Variants in CHEK2 observed in about 807,000 individuals in gnomAD.
The protein encoded by CHEK2 is serine/threonine-protein kinase Chk2.
A neutral mutation model predicts 69.1 loss-of-function variants in CHEK2; 71 were observed. That is an observed-to-expected ratio of 1.03 (90% CI 0.85 to 1.25). The LOEUF is 1.25. Among genes scored for constraint, CHEK2 ranks in the 50% most tolerant of loss-of-function variants. The pLI, the probability that CHEK2 is intolerant of heterozygous loss-of-function variation, is 0.00. For synonymous variants in CHEK2, 189 were observed against 226.9 expected, an observed-to-expected ratio of 0.83 and a Z score of 1.50; for missense variants, 664 against 649.6, an observed-to-expected ratio of 1.02 and a Z score of -0.24.
chr22:28,730,062 C>T (rs2054149779), intron 2 of CHEK2, among the ~76,000 whole-genome samples: 3 of 150,482 alleles, frequency 2.0e-5, no homozygotes, highest in Admixed American at 1.3e-4. Context: ...CCAGGATGGT[C>T]TCGATCTCCT....
Position 28,703,611 on chromosome 22 carries a change from A to G in CHEK2, c.847-45T>C, listed in dbSNP as rs770873098. On this transcript the variant is annotated intron_variant, in intron 7 of 14. Transcript: ENST00000404276. ...AAAGGGAAAGTAGTGAGAAACTCCCAAGAGGAAAACCACAAGAGCTTAGAA... is the reference window on the plus strand; with the variant it reads ...AAAGGGAAAGTAGTGAGAAACTCCCGAGAGGAAAACCACAAGAGCTTAGAA... 8.1e-6 allele frequency: 10 copies of G among 1,241,618 alleles called. No homozygotes were observed. In the Admixed American group the frequency reaches 1.7e-4, roughly 21 times the overall value. 76.9% of individuals were successfully genotyped at this position (1,241,618 alleles called of 1,614,324 possible).
chr22:28,737,314 G>A (rs1220869107), intron 1 of CHEK2: 4 of 478,266 alleles, frequency 8.4e-6, no homozygotes, highest in Non-Finnish European at 1.7e-5. Context: ...ATTAAATTGA[G>A]ATCTTTCACC....
At chr22:28,721,317 G>A (rs1364983500) in intron 4 of CHEK2, among the ~76,000 whole-genome samples, 1 of 119,256 alleles carries the variant, frequency 8.4e-6, no homozygotes, top group Admixed American at 1.2e-4. Context: ...ACGAAGTCTC[G>A]CTCTTGTACC....
chr22:28,731,420 G>T (rs1052129914), intron 2 of CHEK2, among the ~76,000 whole-genome samples: 1 of 152,010 alleles, frequency 6.6e-6, no homozygotes, highest in Non-Finnish European at 1.5e-5. Context: ...CCAATATGAT[G>T]ACAACCCGTC....
intron 1 of CHEK2, 45 bp from the exon 2 acceptor site, chr22:28,734,772 A>C (rs1380214962): frequency 6.5e-7 from 1 of 1,540,848 alleles, no homozygotes; most frequent in South Asian, 1.1e-5. Flanking sequence ...TTCAAGGCAC[A>C]AGACTTAAAA....
rs374395284 is a variant in CHEK2 at position 28,699,884 on chromosome 22, T to G, written c.962A>C (p.Glu321Ala). The change falls in exon 9 of 15, where the codon GAA becomes GCA. Residue 321 changes from glutamate to alanine, a missense_variant. Coordinates refer to ENST00000404276, the MANE Select transcript of CHEK2 (RefSeq NM_007194.4). ...GTAAAAATAGAGCTTGCAGGTAGCT[T>G]CTTTCAGGCGTTTATTCCCCACCAC... ...DKVVGNKRLK[E>A]ATCKLYFYQM... 8.1e-6 allele frequency: 13 copies of G among 1,613,966 alleles called. No individual in the cohort carries two copies. The Admixed American group carries it at 1.7e-4, about 21-fold the overall frequency.
intron 1 of CHEK2, among the ~76,000 whole-genome samples, chr22:28,735,157 C>T (rs941939403): frequency 2.6e-5 from 4 of 152,020 alleles, no homozygotes; most frequent in African/African-American, 9.7e-5. Flanking sequence ...CCTGTAGTCC[C>T]GCACTTTGGG....
chr22:28,730,852 G>A (rs2054193901), intron 2 of CHEK2, among the ~76,000 whole-genome samples: 3 of 151,906 alleles, frequency 2.0e-5, no homozygotes. Context: ...GCAAGGCTCC[G>A]TCTCAATAAA....
chr22:28,700,800 T>C (rs1312062994), intron 8 of CHEK2, among the ~76,000 whole-genome samples: 1 of 152,142 alleles, frequency 6.6e-6, no homozygotes, highest in Non-Finnish European at 1.5e-5. Context: ...ATTTATTTAT[T>C]TATTTTGAGA....
chr22:28,741,795 C>G lies in CHEK2; in HGVS notation c.-33G>C, dbSNP rs1362658161. 2.0e-6 allele frequency: 1 copy of G among 497,602 alleles called. No individual in the cohort carries two copies. Among genetic ancestry groups the G allele is most frequent in the African/African-American group, 1.9e-5 (1 of 51,968 alleles). The allele number at this position is 497,602 out of a possible 1,614,324, so 30.8% of individuals were successfully genotyped here. ...GCGTGAGCCCACCTGGAGCCGCACA[C>G]TCTCCGCAGCCTCAGCCAGCAGAGT... On this transcript the variant is annotated 5_prime_UTR_variant, in exon 1 of 15. Coordinates refer to ENST00000404276, the MANE Select transcript of CHEK2 (RefSeq NM_007194.4).
chr22:28,695,218 A>G lies in CHEK2; in HGVS notation c.1284T>C (p.Ser428=), dbSNP rs781514295. The part of the protein sequence containing the change: ...FICLSGYPPF[S]EHRTQVSLKD... Reference sequence around the variant, plus strand: ...TCAGTGACACTTGAGTCCTATGCTCAGAGAAAGGTGGATACCCACTAAGGC... The same window carrying G: ...TCAGTGACACTTGAGTCCTATGCTCGGAGAAAGGTGGATACCCACTAAGGC... The change falls in exon 12 of 15, where the codon TCT becomes TCC. Residue 428 remains serine, a synonymous_variant. Transcript: ENST00000404276. The G allele has an allele frequency of 3.7e-6, 6 of 1,611,464 alleles. No individual in the cohort carries two copies. The South Asian group carries it at 6.6e-5, about 18-fold the overall frequency.
intron 5 of CHEK2, among the ~76,000 whole-genome samples, chr22:28,718,457 T>C (rs1005079730): frequency 3.9e-5 from 6 of 152,174 alleles, no homozygotes; most frequent in Non-Finnish European, 8.8e-5. Flanking sequence ...TAAATCAGTA[T>C]GTTGAAGAGA....
intron 10 of CHEK2, among the ~76,000 whole-genome samples, chr22:28,696,680 CCTCT>C (rs1232299057): frequency 6.6e-6 from 1 of 152,150 alleles, no homozygotes; most frequent in Non-Finnish European, 1.5e-5. Flanking sequence ...TTAGACCCCT[CCTCT>C]CTCTCTAAGC....
rs1555926782 is a variant in CHEK2, at chr22:28,725,008, A to G, written c.561T>C (p.Ser187=). Residue 187 remains serine (S), a synonymous_variant, in exon 4 of 15, where the codon TCT becomes TCC. Coordinates refer to ENST00000404276, the MANE Select transcript of CHEK2 (RefSeq NM_007194.4). ...KGKRRPLNNN[S]EIALSLSRNK... The stretch of plus-strand genomic sequence containing the variant: ...TTCTGCTTAGTGACAGTGCAATTTC[A>G]GAATTGTTATTCAAAGGACGGCGTT... 2 of 1,614,114 alleles carry G rather than the reference A, an allele frequency of 1.2e-6. No individual in the cohort carries two copies. Among genetic ancestry groups the G allele is most frequent in the African/African-American group, 1.3e-5 (1 of 75,038 alleles).
At chr22:28,710,271 G>A (rs1337929308) in intron 6 of CHEK2, among the ~76,000 whole-genome samples, 1 of 152,048 alleles carries the variant, frequency 6.6e-6, no homozygotes, top group Non-Finnish European at 1.5e-5. Context: ...CTCAATAAAT[G>A]GCCAGGCCCT....
intron 3 of CHEK2, 25 bp from the exon 4 acceptor site, chr22:28,725,149 A>T (rs2146062981): frequency 6.2e-7 from 1 of 1,614,090 alleles, no homozygotes; most frequent in Non-Finnish European, 8.5e-7. Context: ...ATTTTGTTTC[A>T]GACTTTGAAT....
At chr22:28,730,754 A>G (rs1400711312) in intron 2 of CHEK2, among the ~76,000 whole-genome samples, 2 of 152,140 alleles carry the variant, frequency 1.3e-5, no homozygotes, top group African/African-American at 4.8e-5. Flanking sequence ...GCTACTTGGG[A>G]GGCTGAGGCA....
intron 13 of CHEK2, among the ~76,000 whole-genome samples, chr22:28,693,310 G>A (rs983207555): frequency 2.6e-5 from 4 of 152,152 alleles, no homozygotes; most frequent in South Asian, 2.1e-4. Flanking sequence ...GGAGCACAGC[G>A]GTAATACAGA....
At chr22:28,708,361 A>ATGTGTGTG (rs200869651) in intron 7 of CHEK2, among the ~76,000 whole-genome samples, 16,974 of 103,872 alleles carry the variant, frequency 0.16, 1,351 homozygotes, top group Middle Eastern at 0.22. Context: ...GTCTCTAAAA[A>ATGTGTGTG]TATGTGTGTG....
Sources: gnomAD v4.1 joint callset for allele counts (sites outside exome capture counted in the v4.1 genomes callset) on GRCh38, gnomAD v4.1.1 for gene constraint, MANE v1.5 for transcripts, NCBI Gene and HGNC (gene_info 2026-07-23, HGNC 2026-07-21) for gene names.